Variants in ABAT observed in about 807,000 individuals in gnomAD.
ABAT encodes the protein 4-aminobutyrate aminotransferase, mitochondrial.
ABAT carries 45 observed loss-of-function variants against 64.6 expected under a neutral mutation model. That is an observed-to-expected ratio of 0.70 (90% CI 0.55 to 0.89). The LOEUF (loss-of-function observed/expected upper bound fraction) is 0.89. Among genes scored for constraint, ABAT ranks in the 40% least tolerant of loss-of-function variants. The pLI is 0.00. For synonymous variants in ABAT, 297 were observed against 250.5 expected (o/e 1.19, Z -1.75); for missense variants, 633 against 658.4 (o/e 0.96, Z 0.42).
chr16:8,722,276 G>A (rs1436002270), intron 1 of ABAT, among the ~76,000 whole-genome samples: 2 of 152,166 alleles, frequency 1.3e-5, no homozygotes. Flanking sequence ...AATAAAACTT[G>A]ACGGGGGAAG....
chr16:8,738,329 A>G, intron 2 of ABAT: 1 of 442,560 alleles, frequency 2.3e-6, no homozygotes, highest in Non-Finnish European at 4.5e-6. Context: ...AATAATAGAT[A>G]AATAAGTTTT....
intron 1 of ABAT, among the ~76,000 whole-genome samples, chr16:8,711,281 G>C (rs1036658546): frequency 6.6e-6 from 1 of 152,196 alleles, no homozygotes; most frequent in African/African-American, 2.4e-5. Context: ...CAGAGGAAAG[G>C]TGAGATAGCA....
At chr16:8,724,459 T>C (rs1408872934) in intron 1 of ABAT, among the ~76,000 whole-genome samples, 1 of 152,168 alleles carries the variant, frequency 6.6e-6, no homozygotes, top group Non-Finnish European at 1.5e-5. Flanking sequence ...CAGCTAGGCA[T>C]GGTGGTTCAC....
chr16:8,772,751 CGGT>C lies in ABAT; in HGVS notation c.817-25_817-23del, dbSNP rs778438086. ...GATACTGGTCACAAGCCTCTGCCATCGGTGGTCACTTTCCCCTTTGGGATCCAG... is the reference window on the plus strand; with the variant it reads ...GATACTGGTCACAAGCCTCTGCCATCGGTCACTTTCCCCTTTGGGATCCAG... On this transcript the variant is annotated intron_variant, in intron 11 of 15. Transcript: ENST00000268251. 53 of 1,613,810 alleles carry C rather than the reference CGGT, an allele frequency of 3.3e-5. No homozygotes were observed. In the South Asian group the frequency reaches 5.7e-4, roughly 17 times the overall value.
rs563303668 is a variant in ABAT, at chr16:8,749,231, G to C, written c.198+1094G>C. ...GCCTCTCAAGTCACTGAGATTACAGGCACCCGCCTCCACACCCAGCTAATT... is the reference window on the plus strand; with the variant it reads ...GCCTCTCAAGTCACTGAGATTACAGCCACCCGCCTCCACACCCAGCTAATT... On this transcript the variant is annotated intron_variant, in intron 4 of 15. Transcript: ENST00000268251. Among the ~76,000 whole-genome samples, 10 of 150,732 alleles carry C rather than the reference G, an allele frequency of 6.6e-5. No homozygotes were observed. The South Asian group carries it at 2.1e-3, about 32-fold the overall frequency.
chr16:8,706,849 G>C (rs185470493), intron 1 of ABAT, among the ~76,000 whole-genome samples: 1 of 152,350 alleles, frequency 6.6e-6, no homozygotes, highest in East Asian at 1.9e-4. Flanking sequence ...TCTCTGAAGA[G>C]ATAACATGGA....
At chr16:8,749,261 T>TG (rs943728998) in intron 4 of ABAT, among the ~76,000 whole-genome samples, 6 of 151,738 alleles carry the variant, frequency 4.0e-5, no homozygotes, top group African/African-American at 1.5e-4. Context: ...CTAATTTTTT[T>TG]GTATTTTTAG....
At chr16:8,739,414 AT>A in intron 2 of ABAT, among the ~76,000 whole-genome samples, 1 of 152,314 alleles carries the variant, frequency 6.6e-6, no homozygotes, top group South Asian at 2.1e-4. Context: ...AATTTCTTGC[AT>A]TAGAAGAAAT....
At chr16:8,712,785 C>G (rs2058105979) in intron 1 of ABAT, 2 of 152,206 alleles carry the variant, frequency 1.3e-5, no homozygotes, top group African/African-American at 4.8e-5. Context: ...GATTTGATCC[C>G]ATTGGTTGCC....
At chr16:8,707,746 CTTTA>C (rs748420193) in intron 1 of ABAT, among the ~76,000 whole-genome samples, 51 of 152,066 alleles carry the variant, frequency 3.4e-4, no homozygotes, top group Admixed American at 1.3e-4. Flanking sequence ...TTTTTTTAAA[CTTTA>C]TTTATTTATT....
At chr16:8,712,965 C>G (rs879534345) in intron 1 of ABAT, 1 of 152,152 alleles carries the variant, frequency 6.6e-6, no homozygotes, top group Non-Finnish European at 1.5e-5. Flanking sequence ...ATACCCCCTC[C>G]CCATCTTGTG....
At chr16:8,706,290 G>C (rs959982221) in intron 1 of ABAT, among the ~76,000 whole-genome samples, 1 of 150,310 alleles carries the variant, frequency 6.7e-6, no homozygotes, top group African/African-American at 2.4e-5. Context: ...CACACCAGTA[G>C]TCCCAGCCGA....
chr16:8,738,341 A>T, intron 2 of ABAT: 1 of 446,256 alleles, frequency 2.2e-6, no homozygotes, highest in Admixed American at 2.5e-5. Context: ...ATAAGTTTTT[A>T]AAGACACTAA....
At chr16:8,683,750 A>G (rs28692588) in intron 1 of ABAT, among the ~76,000 whole-genome samples, 89,023 of 151,606 alleles carry the variant, frequency 0.59, 26,497 homozygotes, top group East Asian at 0.76. Flanking sequence ...GTGTTTATTG[A>G]GTACTTACTA....
intron 1 of ABAT, among the ~76,000 whole-genome samples, chr16:8,709,980 G>A (rs1056619467): frequency 6.6e-6 from 1 of 151,978 alleles, no homozygotes; most frequent in African/African-American, 2.4e-5. Context: ...ATTTTTGTAT[G>A]TTTGTATTTT....
chr16:8,780,938 C>G (rs753482382), intron 15 of ABAT, among the ~76,000 whole-genome samples: 1 of 152,136 alleles, frequency 6.6e-6, no homozygotes, highest in African/African-American at 2.4e-5. Flanking sequence ...TACCTATTTT[C>G]TTTTCCCACT....
At chr16:8,758,952 G>A (rs1273431) in intron 6 of ABAT, among the ~76,000 whole-genome samples, 60,182 of 151,588 alleles carry the variant, frequency 0.4, 12,054 homozygotes, top group Middle Eastern at 0.51. Flanking sequence ...AAATACAACA[G>A]TTAGCCAGGT....
In ABAT at chr16:8,750,308, G is replaced by C; in HGVS notation, c.199-114G>C. 3 of 945,418 alleles carry C rather than the reference G, an allele frequency of 3.2e-6. No individual in the cohort carries two copies. In the South Asian group the frequency reaches 3.9e-5, roughly 12 times the overall value. The allele number at this position is 945,418 out of a possible 1,614,324, so 58.6% of individuals were successfully genotyped here. A position where few individuals can be genotyped will look rare whatever the true frequency, so the allele number is the denominator to read the frequency against. ...ATTGCTGGCACCCACAGATGCCTCT[G>C]TGTGTCCACAGATAGTCACGATATG... On this transcript the variant is annotated intron_variant, in intron 4 of 15. Transcript: ENST00000268251.
In ABAT at chr16:8,740,189, T is replaced by C. The variant is rs148442683; in HGVS notation, c.70+4380T>C. Among the ~76,000 whole-genome samples the C allele has an allele frequency of 5.8e-3, 889 of 152,234 alleles. 4 individuals are homozygous for C. Among genetic ancestry groups the C allele is most frequent in the Middle Eastern group, 0.037 (11 of 294 alleles). On this transcript the variant is annotated intron_variant, in intron 2 of 15. Coordinates refer to ENST00000268251, the MANE Select transcript of ABAT (RefSeq NM_020686.6). ...GGCTTTTGAGCTAAGCCCAGTTGGCTCCAGGACCCGAGCCACTGTATTGAT... is the reference window on the plus strand; with the variant it reads ...GGCTTTTGAGCTAAGCCCAGTTGGCCCCAGGACCCGAGCCACTGTATTGAT...
Sources: allele counts gnomAD v4.1 joint callset (sites outside exome capture counted in the v4.1 genomes callset), GRCh38; gene constraint gnomAD v4.1.1; transcripts MANE v1.5; gene names NCBI Gene and HGNC (gene_info 2026-07-23, HGNC 2026-07-21).